The following CDH4 variants were observed in gnomAD, a reference collection of about 807,000 sequenced individuals.
CDH4 encodes cadherin 4.
CDH4 carries 33 observed loss-of-function variants against 86.0 expected under a neutral mutation model. The ratio of observed to expected loss-of-function variants is 0.38; its 90% CI spans 0.29 to 0.51. The LOEUF (loss-of-function observed/expected upper bound fraction) is 0.51. CDH4 is among the 20% of genes least tolerant of loss of function. The pLI, the probability that CDH4 is intolerant of heterozygous loss-of-function variation, is 0.86. For synonymous variants in CDH4, 555 were observed against 549.4 expected (o/e 1.01, Z -0.14); for missense variants, 1,114 against 1,307.4 (o/e 0.85, Z 2.28).
chr20:61,603,507 C>T (rs2086619254), intron 2 of CDH4, among the ~76,000 whole-genome samples: 1 of 152,172 alleles, frequency 6.6e-6, no homozygotes, highest in South Asian at 2.1e-4. Context: ...GAGGCAGGGC[C>T]AGGCTGTGGA....
At position 61,565,325 on chromosome 20, in the gene CDH4, T is replaced by G. The variant is rs1427301436; in HGVS notation, c.170-178238T>G. On this transcript the variant is annotated intron_variant, in intron 2 of 15. Transcript: ENST00000614565. ...GGTGCTCTTGGTGGTGGCGGTGCTC[T>G]TGGTGATGGTGGTAGTGGTCCTCTT... Among the ~76,000 whole-genome samples the G allele has an allele frequency of 2.1e-4, 8 of 38,866 alleles. No homozygotes were observed. The South Asian group carries it at 3.7e-3, about 18-fold the overall frequency. 25.5% of individuals were successfully genotyped at this position (38,866 alleles called of 152,430 possible). A position where few individuals can be genotyped will look rare whatever the true frequency, so the allele number is the denominator to read the frequency against.
chr20:61,317,106 C>T (rs866587319), intron 2 of CDH4, among the ~76,000 whole-genome samples: 4 of 151,652 alleles, frequency 2.6e-5, no homozygotes, highest in Non-Finnish European at 4.4e-5. Flanking sequence ...TGGCCAGGTG[C>T]GGTGGCTCAT....
intron 2 of CDH4, among the ~76,000 whole-genome samples, chr20:61,512,687 C>G (rs918342755): frequency 6.6e-6 from 1 of 152,198 alleles, no homozygotes; most frequent in East Asian, 1.9e-4. Context: ...CAGGACTCAC[C>G]GTCTCATTTC....
intron 15 of CDH4, among the ~76,000 whole-genome samples, chr20:61,934,883 C>CCAT (rs1349036338): frequency 6.6e-6 from 1 of 152,258 alleles, no homozygotes; most frequent in Non-Finnish European, 1.5e-5. Context: ...CCCCAGCCTT[C>CCAT]CATCTTCCCC....
intron 2 of CDH4, among the ~76,000 whole-genome samples, chr20:61,730,357 C>G (rs1204590691): frequency 1.3e-5 from 2 of 152,174 alleles, no homozygotes; most frequent in Non-Finnish European, 2.9e-5. Context: ...CTTTCACTGT[C>G]TCTGTGGCTT....
At chr20:61,739,442 C>T (rs2088306302) in intron 2 of CDH4, among the ~76,000 whole-genome samples, 1 of 152,192 alleles carries the variant, frequency 6.6e-6, no homozygotes, top group Non-Finnish European at 1.5e-5. Context: ...CACGGGAGGA[C>T]ATGGGAATCC....
intron 2 of CDH4, among the ~76,000 whole-genome samples, chr20:61,385,802 C>T (rs1263858408): frequency 1.3e-5 from 2 of 151,062 alleles, no homozygotes; most frequent in Admixed American, 6.6e-5. Flanking sequence ...TCCTGCCCAC[C>T]TTTAAACTTT....
chr20:61,504,594 G>A (rs1356184636), intron 2 of CDH4, among the ~76,000 whole-genome samples: 4 of 152,228 alleles, frequency 2.6e-5, no homozygotes, highest in Non-Finnish European at 5.9e-5. Context: ...TCCAGGCGCA[G>A]ACACGTGTGG....
At chr20:61,538,238 C>T (rs1178705376) in intron 2 of CDH4, among the ~76,000 whole-genome samples, 4 of 152,170 alleles carry the variant, frequency 2.6e-5, no homozygotes, top group Non-Finnish European at 4.4e-5. Context: ...GTTTGAGCAG[C>T]GTTTTCTAGG....
At chr20:61,887,688 G>A (rs1163781277) in intron 7 of CDH4, among the ~76,000 whole-genome samples, 2 of 152,248 alleles carry the variant, frequency 1.3e-5, no homozygotes, top group Non-Finnish European at 2.9e-5. Context: ...TGGAGACTTG[G>A]AGAATGATGT....
At chr20:61,554,885 C>CAA (rs11472677) in intron 2 of CDH4, among the ~76,000 whole-genome samples, 1 of 152,020 alleles carries the variant, frequency 6.6e-6, no homozygotes, top group African/African-American at 2.4e-5. Flanking sequence ...AGTAAGCTCA[C>CAA]GTTTTACATG....
At chr20:61,365,713 G>T (rs2084807999) in intron 2 of CDH4, among the ~76,000 whole-genome samples, 1 of 152,106 alleles carries the variant, frequency 6.6e-6, no homozygotes, top group Non-Finnish European at 1.5e-5. Context: ...GCAGAGAGAG[G>T]CTCAGAACAT....
chr20:61,794,694 C>T (rs1184797276), intron 4 of CDH4, among the ~76,000 whole-genome samples: 1 of 152,204 alleles, frequency 6.6e-6, no homozygotes, highest in Non-Finnish European at 1.5e-5. Context: ...CCCCAAACCA[C>T]CTATGGCTGG....
At chr20:61,401,844 A>T (rs2085051191) in intron 2 of CDH4, among the ~76,000 whole-genome samples, 1 of 152,198 alleles carries the variant, frequency 6.6e-6, no homozygotes. Context: ...ATCTGCTGGA[A>T]CGGAGGCCCA....
intron 2 of CDH4, among the ~76,000 whole-genome samples, chr20:61,476,401 T>C (rs2085536179): frequency 2.0e-5 from 3 of 152,216 alleles, no homozygotes; most frequent in Non-Finnish European, 4.4e-5. Context: ...GTGTGTGTTC[T>C]GAACATGTGT....
intron 2 of CDH4, among the ~76,000 whole-genome samples, chr20:61,403,641 C>T (rs765403860): frequency 1.4e-4 from 21 of 152,152 alleles, no homozygotes; most frequent in African/African-American, 3.6e-4. Context: ...CTCAGGCATG[C>T]GGCATTATTC....
chr20:61,475,361 C>T (rs1411769083), intron 2 of CDH4, among the ~76,000 whole-genome samples: 1 of 151,164 alleles, frequency 6.6e-6, no homozygotes, highest in Non-Finnish European at 1.5e-5. Context: ...GCAAAAATGA[C>T]AATGTCTAGA....
intron 8 of CDH4, among the ~76,000 whole-genome samples, chr20:61,908,692 C>T (rs982815419): frequency 3.9e-5 from 6 of 152,268 alleles, no homozygotes; most frequent in Admixed American, 2.0e-4. Context: ...CCCTGTCCAA[C>T]GGGAGTGTCA....
At chr20:61,255,932 A>G (rs1199815960) in intron 2 of CDH4, among the ~76,000 whole-genome samples, 1 of 152,182 alleles carries the variant, frequency 6.6e-6, no homozygotes, top group Non-Finnish European at 1.5e-5. Flanking sequence ...TTTTGCACCG[A>G]ATCCAAGTTT....
Sources: allele counts gnomAD v4.1 joint callset (sites outside exome capture counted in the v4.1 genomes callset), GRCh38; gene constraint gnomAD v4.1.1; transcripts MANE v1.5; gene names NCBI Gene and HGNC (gene_info 2026-07-23, HGNC 2026-07-21).